CYB5A: variants seen among roughly 807,000 people sequenced by gnomAD.
CYB5A encodes cytochrome b5.
Under a neutral mutation model 16.2 loss-of-function variants are expected in CYB5A, and 10 were observed. The ratio of observed to expected loss-of-function variants is 0.62; its 90% CI spans 0.38 to 1.04. CYB5A has a LOEUF of 1.04. Among genes scored for constraint, CYB5A ranks in the 50% least tolerant of loss-of-function variants. The probability of loss-of-function intolerance (pLI) is 0.01; values close to 1 mark genes in which losing one functional copy is unlikely to be tolerated. For missense variants in CYB5A, 161 were observed against 165.9 expected (o/e 0.97, Z 0.16); for synonymous variants, 62 against 57.0 (o/e 1.09, Z -0.40).
intron 2 of CYB5A, among the ~76,000 whole-genome samples, chr18:74,262,447 C>T (rs1367979852): frequency 3.3e-5 from 3 of 92,230 alleles, no homozygotes; most frequent in African/African-American, 1.1e-4. Flanking sequence ...CAGAGCAAGA[C>T]TCTGTCTCAA....
chr18:74,253,507 G>T lies in CYB5A; in HGVS notation c.*77C>A. On this transcript the variant is annotated 3_prime_UTR_variant, in exon 5 of 5. Transcript: ENST00000340533. The stretch of plus-strand genomic sequence containing the variant: ...TGTTTTCAAGTGAAGGTTTCTGTCA[G>T]TTGAAGTAGTTAGCAATGGCTTCTT... The T allele has an allele frequency of 1.2e-6, 1 of 839,054 alleles. No individual in the cohort carries two copies. Among genetic ancestry groups the T allele is most frequent in the Non-Finnish European group, 2.0e-6 (1 of 488,092 alleles). The allele number at this position is 839,054 out of a possible 1,614,324, so 52.0% of individuals were successfully genotyped here.
chr18:74,260,755 G>A (rs777931324), intron 3 of CYB5A, 160 bp downstream of exon 3: 33 of 712,282 alleles, frequency 4.6e-5, no homozygotes, highest in Non-Finnish European at 5.3e-5. Flanking sequence ...ACAGGTTTCC[G>A]TAAATAAAAA....
At chr18:74,267,632 C>T (rs1024000423) in intron 1 of CYB5A, among the ~76,000 whole-genome samples, 1 of 152,020 alleles carries the variant, frequency 6.6e-6, no homozygotes, top group African/African-American at 2.4e-5. Context: ...AAAGGCAAGG[C>T]AGAAAGTAGT....
intron 1 of CYB5A, among the ~76,000 whole-genome samples, chr18:74,270,085 C>T (rs942221293): frequency 2.0e-5 from 3 of 152,036 alleles, no homozygotes; most frequent in Non-Finnish European, 4.4e-5. Context: ...ATGGTCATGG[C>T]CGCACAGCCT....
At chr18:74,275,278 C>G (rs558009726) in intron 1 of CYB5A, among the ~76,000 whole-genome samples, 2 of 152,146 alleles carry the variant, frequency 1.3e-5, no homozygotes, top group African/African-American at 4.8e-5. Context: ...AGATACTTCC[C>G]AGCCTCCTTG....
intron 1 of CYB5A, among the ~76,000 whole-genome samples, chr18:74,269,771 T>G (rs1568218868): frequency 6.6e-6 from 1 of 152,124 alleles, no homozygotes; most frequent in Non-Finnish European, 1.5e-5. Flanking sequence ...CTCTCACCAC[T>G]TCCCCTGCTA....
intron 3 of CYB5A, chr18:74,260,030 G>C (rs891027699): frequency 1.3e-5 from 2 of 152,162 alleles, no homozygotes; most frequent in African/African-American, 4.8e-5. Flanking sequence ...TGGCCTTTAT[G>C]CTTATATTAT....
chr18:74,268,863 T>TA (rs1305254363), intron 1 of CYB5A, among the ~76,000 whole-genome samples: 3 of 152,178 alleles, frequency 2.0e-5, no homozygotes, highest in Non-Finnish European at 4.4e-5. Context: ...CCCACATATC[T>TA]TGTAGCTCCT....
In CYB5A at chr18:74,279,382, A is replaced by G. The variant is rs139191219; in HGVS notation, c.129+12365T>C. Among the ~76,000 whole-genome samples the G allele has an allele frequency of 5.3e-3, 810 of 152,330 alleles. 9 individuals are homozygous for G. Among genetic ancestry groups the G allele is most frequent in the African/African-American group, 0.019 (771 of 41,576 alleles). On this transcript the variant is annotated intron_variant, in intron 1 of 4. Coordinates refer to ENST00000340533, the MANE Select transcript of CYB5A (RefSeq NM_148923.4). Reference sequence around the variant, plus strand: ...GTCTCTACTAAAAAATACAAAAATTAGCCAGGCATGGTGTCAGCCACCTGT... The same window carrying G: ...GTCTCTACTAAAAAATACAAAAATTGGCCAGGCATGGTGTCAGCCACCTGT...
rs59719964 is a variant in CYB5A, at chr18:74,287,106, A to G, written c.129+4641T>C. Among the ~76,000 whole-genome samples, 436 of 152,290 alleles carry G rather than the reference A, an allele frequency of 2.9e-3. 4 individuals carry two copies. The highest frequency in any genetic ancestry group is 9.7e-3 in the African/African-American group (402 of 41,536). On this transcript the variant is annotated intron_variant, in intron 1 of 4. Transcript: ENST00000340533. Reference sequence around the variant, plus strand: ...CTTTACCCAAGATGCCTAAGCCACCAACACTACCAACAATAACTTTATATT... The same window carrying G: ...CTTTACCCAAGATGCCTAAGCCACCGACACTACCAACAATAACTTTATATT...
intron 2 of CYB5A, chr18:74,261,706 C>G (rs1011149631): frequency 3.9e-5 from 6 of 152,606 alleles, no homozygotes; most frequent in African/African-American, 1.4e-4. Flanking sequence ...AAATGGATTT[C>G]CTACTTTCGA....
intron 1 of CYB5A, among the ~76,000 whole-genome samples, chr18:74,279,793 T>C (rs1983022019): frequency 1.3e-5 from 2 of 152,240 alleles, no homozygotes; most frequent in Admixed American, 1.3e-4. Context: ...CCAGCAGCCA[T>C]TCCACATCAG....
intron 1 of CYB5A, among the ~76,000 whole-genome samples, chr18:74,269,418 G>GTCTAAACACA (rs1555689235): frequency 1.3e-5 from 2 of 152,076 alleles, no homozygotes; most frequent in Non-Finnish European, 2.9e-5. Context: ...CATCTGCGTT[G>GTCTAAACACA]GCTCTCCTGA....
At chr18:74,284,027 G>A (rs1983221225) in intron 1 of CYB5A, among the ~76,000 whole-genome samples, 1 of 152,118 alleles carries the variant, frequency 6.6e-6, no homozygotes, top group Admixed American at 6.5e-5. Context: ...GAGGTCAGGG[G>A]TTTGAGACCA....
intron 2 of CYB5A, 59 bp downstream of exon 2, chr18:74,263,290 G>A (rs1052359016): frequency 1.2e-6 from 2 of 1,608,044 alleles, no homozygotes; most frequent in African/African-American, 2.7e-5. Context: ...TACAGACTAG[G>A]GTAAGGTCAT....
intron 1 of CYB5A, among the ~76,000 whole-genome samples, chr18:74,268,665 A>G (rs1212921607): frequency 6.6e-6 from 1 of 152,136 alleles, no homozygotes; most frequent in East Asian, 1.9e-4. Flanking sequence ...AAGGGTGTGC[A>G]TGGTGTGAGG....
intron 1 of CYB5A, among the ~76,000 whole-genome samples, chr18:74,271,904 C>T (rs1254825299): frequency 6.6e-6 from 1 of 152,178 alleles, no homozygotes; most frequent in Non-Finnish European, 1.5e-5. Context: ...GACTCTGTGG[C>T]AGGTTTTAGG....
chr18:74,269,828 C>T (rs1186065590), intron 1 of CYB5A, among the ~76,000 whole-genome samples: 1 of 152,160 alleles, frequency 6.6e-6, no homozygotes, highest in East Asian at 1.9e-4. Flanking sequence ...CTCCCATCCT[C>T]CCTAGCATCA....
chr18:74,279,378 A>T (rs1296023294), intron 1 of CYB5A, among the ~76,000 whole-genome samples: 1 of 152,148 alleles, frequency 6.6e-6, no homozygotes, highest in African/African-American at 2.4e-5. Context: ...AAAATACAAA[A>T]ATTAGCCAGG....
Sources: allele counts gnomAD v4.1 joint callset (sites outside exome capture counted in the v4.1 genomes callset), GRCh38; gene constraint gnomAD v4.1.1; transcripts MANE v1.5; gene names NCBI Gene and HGNC (gene_info 2026-07-23, HGNC 2026-07-21).